The following APBA1 variants were observed in gnomAD, a reference collection of about 807,000 sequenced individuals.
The protein encoded by APBA1 is amyloid beta precursor protein binding family A member 1.
APBA1 carries 55 observed loss-of-function variants against 86.6 expected under a neutral mutation model. That is an observed-to-expected ratio of 0.64 (90% CI 0.51 to 0.80). APBA1 has a LOEUF of 0.80. Among genes scored for constraint, APBA1 ranks in the 30% least tolerant of loss-of-function variants. APBA1 has a pLI of 0.00. For missense variants in APBA1, 1,090 were observed against 1,183.0 expected (o/e 0.92, Z 1.15); for synonymous variants, 511 against 493.9 (o/e 1.03, Z -0.46).
chr9:69,669,325 C>A (rs980229452), intron 1 of APBA1, among the ~76,000 whole-genome samples: 1 of 152,066 alleles, frequency 6.6e-6, no homozygotes, highest in African/African-American at 2.4e-5. Flanking sequence ...TATCTCTTAC[C>A]CCTAAGTCTT....
intron 2 of APBA1, 80 bp from the exon 3 acceptor site, chr9:69,476,223 G>C (rs569633786): frequency 4.0e-6 from 4 of 1,002,408 alleles, no homozygotes; most frequent in East Asian, 2.4e-5. Flanking sequence ...GGCCGGGAGA[G>C]AGAAGCAAAG....
At chr9:69,493,222 T>A (rs1835741341) in intron 2 of APBA1, among the ~76,000 whole-genome samples, 1 of 152,084 alleles carries the variant, frequency 6.6e-6, no homozygotes, top group Non-Finnish European at 1.5e-5. Context: ...AGACTCTACC[T>A]TGGCACTTAA....
chr9:69,464,453 T>C (rs1835243758), intron 5 of APBA1: 1 of 152,240 alleles, frequency 6.6e-6, no homozygotes, highest in Admixed American at 6.5e-5. Context: ...AAAATAAATC[T>C]ATGTTTTCCA....
intron 10 of APBA1, among the ~76,000 whole-genome samples, chr9:69,444,798 T>A (rs1834881264): frequency 6.6e-6 from 1 of 152,214 alleles, no homozygotes; most frequent in Non-Finnish European, 1.5e-5. Context: ...TACGAATCAC[T>A]TGTCATGTGC....
At chr9:69,610,469 G>A (rs1043818091) in intron 1 of APBA1, among the ~76,000 whole-genome samples, 5 of 152,096 alleles carry the variant, frequency 3.3e-5, no homozygotes, top group African/African-American at 7.2e-5. Flanking sequence ...CATTTTGTCA[G>A]GTTCTGTATG....
intron 1 of APBA1, among the ~76,000 whole-genome samples, chr9:69,532,005 G>T (rs1014116225): frequency 6.6e-6 from 1 of 152,118 alleles, no homozygotes. Flanking sequence ...CTAAGAACAA[G>T]AATTTAAAAA....
intron 1 of APBA1, among the ~76,000 whole-genome samples, chr9:69,535,403 T>G (rs1035896062): frequency 6.6e-6 from 1 of 152,184 alleles, no homozygotes; most frequent in Non-Finnish European, 1.5e-5. Flanking sequence ...CCTTGGTAGT[T>G]TTTTCTCTCT....
intron 1 of APBA1, among the ~76,000 whole-genome samples, chr9:69,622,443 G>A (rs1822839702): frequency 6.6e-6 from 1 of 152,206 alleles, no homozygotes; most frequent in Non-Finnish European, 1.5e-5. Flanking sequence ...ATTAGCAGAG[G>A]GAAGTGCTGT....
At chr9:69,586,061 A>T (rs1320776424) in intron 1 of APBA1, among the ~76,000 whole-genome samples, 1 of 152,206 alleles carries the variant, frequency 6.6e-6, no homozygotes, top group Non-Finnish European at 1.5e-5. Context: ...CTCTGCTGTC[A>T]TAGAACTCCT....
intron 1 of APBA1, among the ~76,000 whole-genome samples, chr9:69,669,388 A>C (rs574730765): frequency 6.6e-6 from 1 of 152,268 alleles, no homozygotes; most frequent in South Asian, 2.1e-4. Flanking sequence ...ACAACAACAA[A>C]AAACCTTAAG....
chr9:69,564,125 CCT>C lies in APBA1; in HGVS notation c.-69-46848_-69-46847del, dbSNP rs546675750. On this transcript the variant is annotated intron_variant, in intron 1 of 12. Transcript: ENST00000265381. The stretch of plus-strand genomic sequence containing the variant: ...CTGACTTCTGTATTTCTAATAAGCA[CCT>C]CTCGGTTTCAGGATCACAGGCTTAC... 2.1e-3 allele frequency among the ~76,000 whole-genome samples: 315 copies of C among 152,264 alleles called. 1 individual carries two copies. The highest frequency in any genetic ancestry group is 7.4e-3 in the African/African-American group (306 of 41,550).
intron 2 of APBA1, among the ~76,000 whole-genome samples, chr9:69,481,634 T>C (rs933223888): frequency 4.0e-5 from 6 of 150,766 alleles, no homozygotes; most frequent in Non-Finnish European, 7.4e-5. Flanking sequence ...AAAGTTCATA[T>C]GGAACCAAAA....
In APBA1 at chr9:69,532,184, A is replaced by AG. The variant is rs200371564; in HGVS notation, c.-69-14906dup. The stretch of plus-strand genomic sequence containing the variant: ...GTTGTGTGTGTGTAGCAGAGGGGGA[A>AG]GGGGGAATATGAGTACTCTGTACTT... On this transcript the variant is annotated intron_variant, in intron 1 of 12. Transcript: ENST00000265381. Among the ~76,000 whole-genome samples, 1,368 of 152,230 alleles carry AG rather than the reference A, an allele frequency of 9.0e-3. 18 individuals carry two copies. The highest frequency in any genetic ancestry group is 0.031 in the African/African-American group (1,299 of 41,540).
intron 1 of APBA1, among the ~76,000 whole-genome samples, chr9:69,551,985 G>C (rs1217880945): frequency 6.6e-6 from 1 of 152,196 alleles, no homozygotes; most frequent in Non-Finnish European, 1.5e-5. Flanking sequence ...ACTGACTTGT[G>C]CTGAGAGGCC....
rs148975718 is a variant in APBA1, at chr9:69,637,195, A to G, written c.-70+34958T>C. On this transcript the variant is annotated intron_variant, in intron 1 of 12. Transcript: ENST00000265381. The stretch of plus-strand genomic sequence containing the variant: ...ACCATGGAATTCATAGAGATAGAGA[A>G]TAGAATGAAAGCTGCAAGAGGCTGG... Among the ~76,000 whole-genome samples, 994 of 152,192 alleles carry G rather than the reference A, an allele frequency of 6.5e-3. 16 individuals are homozygous for G. Among genetic ancestry groups the G allele is most frequent in the African/African-American group, 0.023 (953 of 41,548 alleles).
intron 1 of APBA1, among the ~76,000 whole-genome samples, chr9:69,561,361 C>G (rs1344699013): frequency 6.6e-6 from 1 of 152,186 alleles, no homozygotes; most frequent in Non-Finnish European, 1.5e-5. Flanking sequence ...GGTGGAGGAA[C>G]ACACTTTGAG....
At position 69,597,035 on chromosome 9, in the gene APBA1, C is replaced by T. The variant is rs928109343; in HGVS notation, c.-70+75118G>A. On this transcript the variant is annotated intron_variant, in intron 1 of 12. Coordinates refer to ENST00000265381, the MANE Select transcript of APBA1 (RefSeq NM_001163.4). ...GGAGGAAAGGTTAAATTATGTTTGGCACATTCTGCTTGAGGCTGAAGGGAC... is the reference window on the plus strand; with the variant it reads ...GGAGGAAAGGTTAAATTATGTTTGGTACATTCTGCTTGAGGCTGAAGGGAC... 3.9e-5 allele frequency among the ~76,000 whole-genome samples: 6 copies of T among 152,190 alleles called. No individual in the cohort carries two copies. The East Asian group carries it at 9.6e-4, about 24-fold the overall frequency.
chr9:69,640,962 G>GAGAGAGAGAGAGAAAGAAAGAAAGAGAA (rs1823275783), intron 1 of APBA1, among the ~76,000 whole-genome samples: 3 of 150,974 alleles, frequency 2.0e-5, no homozygotes, highest in Admixed American at 6.6e-5. Flanking sequence ...AAGAGAAAGA[G>GAGAGAGAGAGAGAAAGAAAGAAAGAGAA]AGAGAGAGAG....
intron 1 of APBA1, among the ~76,000 whole-genome samples, chr9:69,522,392 T>G (rs1159299660): frequency 6.6e-6 from 1 of 150,882 alleles, no homozygotes; most frequent in Non-Finnish European, 1.5e-5. Context: ...TCTTTCTATC[T>G]TAAATCTTTG....
Sources: allele counts gnomAD v4.1 joint callset (sites outside exome capture counted in the v4.1 genomes callset), GRCh38; gene constraint gnomAD v4.1.1; transcripts MANE v1.5; gene names NCBI Gene and HGNC (gene_info 2026-07-23, HGNC 2026-07-21).